Variants in FOXK1 observed in about 807,000 individuals in gnomAD.
The protein encoded by FOXK1 is forkhead box protein K1.
In FOXK1, 19 loss-of-function variants were observed where a neutral mutation model predicts 51.9. The ratio of observed to expected loss-of-function variants is 0.37; its 90% CI spans 0.26 to 0.54. The LOEUF (loss-of-function observed/expected upper bound fraction) is 0.54. Among genes scored for constraint, FOXK1 ranks in the 20% least tolerant of loss-of-function variants. The pLI, the probability that FOXK1 is intolerant of heterozygous loss-of-function variation, is 0.87. For synonymous variants in FOXK1, 537 were observed against 482.6 expected, an observed-to-expected ratio of 1.11 and a Z score of -1.48; for missense variants, 870 against 1,032.7, an observed-to-expected ratio of 0.84 and a Z score of 2.16.
At position 4,758,854 on chromosome 7, in the gene FOXK1, T is replaced by C. The variant is rs1583212511; in HGVS notation, c.1245-197T>C. ...CTCTCATGGAACGGAGCCTCCCCCA[T>C]GCAGCCCCCACTCAAATGGAGTTTT... On this transcript the variant is annotated intron_variant, in intron 5 of 8. Coordinates refer to ENST00000328914, the MANE Select transcript of FOXK1 (RefSeq NM_001037165.2). This position sits in a 1 kb window ranked among gnomAD's most constrained non-coding sequence, Gnocchi z 4.4. 4 of 603,504 alleles carry C rather than the reference T, an allele frequency of 6.6e-6. No homozygotes were observed. The highest frequency in any genetic ancestry group is 1.2e-5 in the Non-Finnish European group (4 of 347,114). 37.4% of individuals were successfully genotyped at this position (603,504 alleles called of 1,614,324 possible).
rs186912027 is a variant in FOXK1 at position 4,725,621 on chromosome 7, G to A, written c.561-15217G>A. The stretch of plus-strand genomic sequence containing the variant: ...TCCGGGCCTCGCCCATGCTCCGGGC[G>A]TGTGGCTGTGTTGGGAGGACGGGAG... On this transcript the variant is annotated intron_variant, in intron 1 of 8. Coordinates refer to ENST00000328914, the MANE Select transcript of FOXK1 (RefSeq NM_001037165.2). 5.9e-5 allele frequency among the ~76,000 whole-genome samples: 9 copies of A among 152,398 alleles called. No homozygotes were observed. The East Asian group carries it at 1.4e-3, about 23-fold the overall frequency.
In FOXK1 at chr7:4,723,086, C is replaced by T. The variant is rs1180169182; in HGVS notation, c.561-17752C>T. 1.3e-5 allele frequency among the ~76,000 whole-genome samples: 2 copies of T among 152,030 alleles called. No homozygotes were observed. The highest frequency in any genetic ancestry group is 2.9e-5 in the Non-Finnish European group (2 of 68,022). ...CGAACAAAAACCCGTCTTCCCAAGCCTGTTGACGATGATGGTAACGGCACC... is the reference window on the plus strand; with the variant it reads ...CGAACAAAAACCCGTCTTCCCAAGCTTGTTGACGATGATGGTAACGGCACC... On this transcript the variant is annotated intron_variant, in intron 1 of 8. Transcript: ENST00000328914. This position sits in a 1 kb window ranked among gnomAD's most constrained non-coding sequence, Gnocchi z 4.7.
chr7:4,686,518 G>C (rs1159094890), intron 1 of FOXK1, among the ~76,000 whole-genome samples: 1 of 152,214 alleles, frequency 6.6e-6, no homozygotes, highest in African/African-American at 2.4e-5. Flanking sequence ...CATCTCGCCA[G>C]AGCTCCCAGG....
intron 1 of FOXK1, among the ~76,000 whole-genome samples, chr7:4,702,961 A>G (rs1302624971): frequency 3.3e-5 from 5 of 152,042 alleles, no homozygotes; most frequent in Non-Finnish European, 7.4e-5. Context: ...CCTCGTCCCC[A>G]GGGCTGCGTG....
rs1239993847 is a variant in FOXK1 at position 4,734,121 on chromosome 7, C to T, written c.561-6717C>T. Among the ~76,000 whole-genome samples the T allele has an allele frequency of 2.0e-5, 3 of 152,166 alleles. No individual in the cohort carries two copies. The highest frequency in any genetic ancestry group is 7.2e-5 in the African/African-American group (3 of 41,446). Reference sequence around the variant, plus strand: ...TTTTAACCTTAGTAACCGTGCCGCCCAGCTCCTAGAAGACACGCGACTCCA... The same window carrying T: ...TTTTAACCTTAGTAACCGTGCCGCCTAGCTCCTAGAAGACACGCGACTCCA... On this transcript the variant is annotated intron_variant, in intron 1 of 8. Transcript: ENST00000328914. This position sits in a 1 kb window ranked among gnomAD's most constrained non-coding sequence, Gnocchi z 5.2.
At chr7:4,744,207 G>A (rs1272080239) in intron 2 of FOXK1, among the ~76,000 whole-genome samples, 1 of 152,192 alleles carries the variant, frequency 6.6e-6, no homozygotes, top group South Asian at 2.1e-4. Flanking sequence ...TGTGGTTTGC[G>A]AAGGAGTTAA....
At chr7:4,752,434 C>A (rs190595395) in intron 2 of FOXK1, among the ~76,000 whole-genome samples, 20 of 152,376 alleles carry the variant, frequency 1.3e-4, no homozygotes, top group Admixed American at 4.6e-4. Flanking sequence ...CATGAGCCAC[C>A]GCACCCGGCA....
chr7:4,734,869 G>A lies in FOXK1; in HGVS notation c.561-5969G>A, dbSNP rs1780532269. On this transcript the variant is annotated intron_variant, in intron 1 of 8. Transcript: ENST00000328914. This position sits in a 1 kb window ranked among gnomAD's most constrained non-coding sequence, Gnocchi z 5.2. ...CCGTCCTTCCGCTGGGAGAGACGGG[G>A]CGAGGGGACAGCGGTGGACAGGAGC... Among the ~76,000 whole-genome samples, 1 of 152,346 alleles carries A rather than the reference G, an allele frequency of 6.6e-6. No individual in the cohort carries two copies. The highest frequency in any genetic ancestry group is 1.5e-5 in the Non-Finnish European group (1 of 68,034).
At chr7:4,742,236 G>A (rs1780643464) in intron 2 of FOXK1, among the ~76,000 whole-genome samples, 1 of 152,228 alleles carries the variant, frequency 6.6e-6, no homozygotes, top group Non-Finnish European at 1.5e-5. Context: ...GGGGCTCAGG[G>A]CCCTCGGGGA....
At chr7:4,741,564 C>T (rs1304582981) in intron 2 of FOXK1, among the ~76,000 whole-genome samples, 1 of 152,230 alleles carries the variant, frequency 6.6e-6, no homozygotes, top group Non-Finnish European at 1.5e-5. Flanking sequence ...CTCCCAACCT[C>T]AAATGATCCA....
chr7:4,760,124 C>A (rs1309525142), intron 7 of FOXK1: 1 of 154,186 alleles, frequency 6.5e-6, no homozygotes, highest in Non-Finnish European at 1.4e-5. Context: ...CCTAAGGTAA[C>A]GTTAAATTGA....
chr7:4,760,319 C>A (rs1431435162), intron 7 of FOXK1, among the ~76,000 whole-genome samples: 1 of 152,196 alleles, frequency 6.6e-6, no homozygotes, highest in Non-Finnish European at 1.5e-5. Context: ...AGACACTGAA[C>A]ATGCAGCTGA....
rs1354412773 is a variant in FOXK1, at chr7:4,709,551, G to A, written c.560+26683G>A. Among the ~76,000 whole-genome samples the A allele has an allele frequency of 1.3e-5, 2 of 152,200 alleles. No individual in the cohort carries two copies. The highest frequency in any genetic ancestry group is 1.9e-4 in the East Asian group (1 of 5,192). The stretch of plus-strand genomic sequence containing the variant: ...TGACCGGGGCAGGCGGACCTTCTCC[G>A]GGAGCCCTGTGCACAGTTGGCTTCG... On this transcript the variant is annotated intron_variant, in intron 1 of 8. Transcript: ENST00000328914. This position sits in a 1 kb window ranked among gnomAD's most constrained non-coding sequence, Gnocchi z 5.6.
rs1780749790 is a variant in FOXK1, at chr7:4,749,651, C to T, written c.747-4808C>T. On this transcript the variant is annotated intron_variant, in intron 2 of 8. Coordinates refer to ENST00000328914, the MANE Select transcript of FOXK1 (RefSeq NM_001037165.2). The surrounding 1 kb of genome is among the most constrained non-coding windows in gnomAD (Gnocchi z 6.0). The stretch of plus-strand genomic sequence containing the variant: ...TCCCTTCTGACAGAGCACTGTCCTC[C>T]CTGGGCCTGCCGGAAGCGATAACTG... Among the ~76,000 whole-genome samples the T allele has an allele frequency of 6.6e-6, 1 of 152,212 alleles. No homozygotes were observed. The highest frequency in any genetic ancestry group is 2.4e-5 in the African/African-American group (1 of 41,450).
At chr7:4,692,970 C>G (rs958379852) in intron 1 of FOXK1, among the ~76,000 whole-genome samples, 2 of 151,826 alleles carry the variant, frequency 1.3e-5, no homozygotes, top group Non-Finnish European at 2.9e-5. Context: ...AACTCCTGGC[C>G]TTAAGTCATC....
chr7:4,708,799 T>C (rs1308688392), intron 1 of FOXK1, among the ~76,000 whole-genome samples: 1 of 152,124 alleles, frequency 6.6e-6, no homozygotes, highest in Non-Finnish European at 1.5e-5. Context: ...GCTTGGTGGC[T>C]CACGCCTGTA....
Position 4,728,747 on chromosome 7 carries a change from AAAAAG to A in FOXK1, c.561-12087_561-12083del, listed in dbSNP as rs1213840115. ...CTCTTTTTGAAAAAAAAAAAAAAAA[AAAAAG>A]AAAGAAAAGAAAACGTATTTTTCTT... is the stretch of plus-strand genomic sequence containing the variant. On this transcript the variant is annotated intron_variant, in intron 1 of 8. Coordinates refer to ENST00000328914, the MANE Select transcript of FOXK1 (RefSeq NM_001037165.2). 2.8e-3 allele frequency among the ~76,000 whole-genome samples: 429 copies of A among 151,380 alleles called. 3 individuals are homozygous for A. The highest frequency in any genetic ancestry group is 0.01 in the African/African-American group (414 of 41,336).
At chr7:4,717,484 TGTGGCTGGGAGGC>T (rs1397773112) in intron 1 of FOXK1, among the ~76,000 whole-genome samples, 6,446 of 141,624 alleles carry the variant, frequency 0.046, 448 homozygotes, top group African/African-American at 0.15. Context: ...CTGGGAGGCA[TGTGGCTGGGAGGC>T]GTATGGCTGG....
chr7:4,738,041 G>C (rs1420463347), intron 1 of FOXK1, among the ~76,000 whole-genome samples: 2 of 151,230 alleles, frequency 1.3e-5, no homozygotes, highest in Non-Finnish European at 1.5e-5. Flanking sequence ...AGAATCACTT[G>C]AATCCAGGAG....
Sources: allele counts gnomAD v4.1 joint callset (sites outside exome capture counted in the v4.1 genomes callset), GRCh38; gene constraint gnomAD v4.1.1; non-coding constraint Gnocchi (gnomAD v3.1); transcripts MANE v1.5; gene names NCBI Gene and HGNC (gene_info 2026-07-23, HGNC 2026-07-21).